The following IL1RAPL2 variants were observed in gnomAD, a reference collection of about 807,000 sequenced individuals.
IL1RAPL2 encodes interleukin 1 receptor accessory protein like 2, also known as X-linked interleukin-1 receptor accessory protein-like 2.
IL1RAPL2 carries 3 observed loss-of-function variants against 44.1 expected under a neutral mutation model. The ratio of observed to expected loss-of-function variants is 0.07; its 90% CI spans 0.03 to 0.18. The LOEUF (loss-of-function observed/expected upper bound fraction) is 0.18. Among genes scored for constraint, IL1RAPL2 ranks in the 10% least tolerant of loss-of-function variants. The pLI is 1.00. For missense variants in IL1RAPL2, 391 were observed against 496.4 expected (o/e 0.79, Z 2.02); for synonymous variants, 181 against 178.8 (o/e 1.01, Z -0.10).
intron 2 of IL1RAPL2, among the ~76,000 whole-genome samples, chrX:104,824,278 A>G (rs1602745015): frequency 8.9e-6 from 1 of 111,833 alleles, no homozygotes; most frequent in Non-Finnish European, 1.9e-5. Context: ...CTGCTGCTGG[A>G]TTCAGTTTGC....
chrX:104,757,689 T>C (rs751193807), intron 2 of IL1RAPL2, among the ~76,000 whole-genome samples: 1 of 111,961 alleles, frequency 8.9e-6, no homozygotes, highest in Admixed American at 9.4e-5. Context: ...GTACTAGGAA[T>C]ATTGGTGATT....
Position 105,047,818 on chromosome X carries a change from A to G in IL1RAPL2, c.83-147657A>G, listed in dbSNP as rs1235632929. On this transcript the variant is annotated intron_variant, in intron 2 of 10. Transcript: ENST00000372582. ...TGAAGAACAACTATTATTTGCTATT[A>G]CCAAGAAAAACTGGATGACATTAAA... 2.7e-5 allele frequency among the ~76,000 whole-genome samples: 3 copies of G among 112,054 alleles called. No homozygotes were observed. The East Asian group carries it at 8.4e-4, about 31-fold the overall frequency.
At chrX:105,363,110 G>A (rs1392199655) in intron 5 of IL1RAPL2, among the ~76,000 whole-genome samples, 4 of 106,413 alleles carry the variant, frequency 3.8e-5, no homozygotes, top group African/African-American at 1.0e-4. Context: ...GTGAGGGCAT[G>A]CAGTATTTGT....
intron 2 of IL1RAPL2, among the ~76,000 whole-genome samples, chrX:104,957,202 T>G (rs902646626): frequency 5.3e-5 from 6 of 112,443 alleles, no homozygotes; most frequent in Non-Finnish European, 9.4e-5. Context: ...AAATGGTGTA[T>G]GCTAAAGAGT....
At chrX:104,925,727 C>G (rs1357860615) in intron 2 of IL1RAPL2, among the ~76,000 whole-genome samples, 2 of 111,330 alleles carry the variant, frequency 1.8e-5, no homozygotes, top group Admixed American at 1.9e-4. Flanking sequence ...TATGACAAAC[C>G]CATAGCCAAC....
intron 6 of IL1RAPL2, among the ~76,000 whole-genome samples, chrX:105,542,691 T>TA (rs1261451654): frequency 2.2e-4 from 21 of 96,151 alleles, no homozygotes; most frequent in African/African-American, 7.7e-4. Context: ...TTTTTATATT[T>TA]TTTATTTATT....
chrX:105,049,613 A>G (rs949308548), intron 2 of IL1RAPL2, among the ~76,000 whole-genome samples: 5 of 111,764 alleles, frequency 4.5e-5, no homozygotes, highest in African/African-American at 1.6e-4. Flanking sequence ...GCCCTTAACA[A>G]ATCTCATAAT....
intron 2 of IL1RAPL2, among the ~76,000 whole-genome samples, chrX:104,761,661 G>A (rs1226421289): frequency 9.0e-6 from 1 of 111,592 alleles, no homozygotes; most frequent in African/African-American, 3.3e-5. Context: ...TAAAATCAAA[G>A]GCAAAGTTAA....
chrX:105,339,118 T>C (rs1602364951), intron 5 of IL1RAPL2, among the ~76,000 whole-genome samples: 1 of 110,611 alleles, frequency 9.0e-6, no homozygotes, highest in Non-Finnish European at 1.9e-5. Flanking sequence ...AACAAACAAA[T>C]AAATAAATAA....
intron 6 of IL1RAPL2, among the ~76,000 whole-genome samples, chrX:105,674,486 C>A (rs2037851502): frequency 9.0e-6 from 1 of 111,326 alleles, no homozygotes; most frequent in Non-Finnish European, 1.9e-5. Flanking sequence ...TGTACATGCG[C>A]AATCTTATTT....
chrX:105,065,590 AATAG>A (rs1453492672), intron 2 of IL1RAPL2, among the ~76,000 whole-genome samples: 24 of 111,754 alleles, frequency 2.1e-4, no homozygotes, highest in African/African-American at 5.9e-4. Flanking sequence ...AGTCTTGGAA[AATAG>A]ATAGAACTGA....
intron 5 of IL1RAPL2, among the ~76,000 whole-genome samples, chrX:105,268,402 A>G (rs113796863): frequency 9.0e-5 from 10 of 111,044 alleles, no homozygotes; most frequent in African/African-American, 3.3e-4. Context: ...CAAAAGGTGC[A>G]TACAAAGTTG....
intron 2 of IL1RAPL2, among the ~76,000 whole-genome samples, chrX:105,030,506 A>C (rs1160771712): frequency 4.5e-5 from 5 of 111,485 alleles, no homozygotes; most frequent in East Asian, 2.8e-4. Context: ...ATAGGGAATT[A>C]TTTCCCCATT....
intron 9 of IL1RAPL2, among the ~76,000 whole-genome samples, chrX:105,753,963 T>C (rs971386083): frequency 2.7e-5 from 3 of 111,991 alleles, no homozygotes; most frequent in African/African-American, 9.7e-5. Flanking sequence ...GCACATCATA[T>C]GTCTATCATT....
chrX:105,447,616 AACATAAATATATATTT>A (rs2035977403), intron 5 of IL1RAPL2, among the ~76,000 whole-genome samples: 1 of 79,972 alleles, frequency 1.3e-5, no homozygotes, highest in East Asian at 4.4e-4. Context: ...TAAATATATA[AACATAAATATATATTT>A]ATATAAATAT....
intron 2 of IL1RAPL2, among the ~76,000 whole-genome samples, chrX:104,662,739 T>G (rs1367998026): frequency 8.9e-6 from 1 of 111,938 alleles, no homozygotes; most frequent in Non-Finnish European, 1.9e-5. Flanking sequence ...CATTAAATCA[T>G]CCCCTTAACT....
chrX:104,767,560 C>A (rs760225328), intron 2 of IL1RAPL2, among the ~76,000 whole-genome samples: 4 of 111,629 alleles, frequency 3.6e-5, no homozygotes, highest in South Asian at 3.7e-4. Context: ...TACTTAACAC[C>A]TTTTGGGTTT....
At chrX:104,580,017 C>T (rs1174414630) in intron 1 of IL1RAPL2, among the ~76,000 whole-genome samples, 1 of 111,643 alleles carries the variant, frequency 9.0e-6, no homozygotes, top group Non-Finnish European at 1.9e-5. Context: ...GCCCAAATTA[C>T]CTGATTCTAC....
intron 3 of IL1RAPL2, among the ~76,000 whole-genome samples, chrX:105,228,158 A>T (rs1556191521): frequency 8.9e-6 from 1 of 112,237 alleles, no homozygotes; most frequent in Non-Finnish European, 1.9e-5. Flanking sequence ...TTCACCTTAT[A>T]AAATTTCAGA....
Sources: allele counts gnomAD v4.1 joint callset (sites outside exome capture counted in the v4.1 genomes callset), GRCh38; gene constraint gnomAD v4.1.1; transcripts MANE v1.5; gene names NCBI Gene and HGNC (gene_info 2026-07-23, HGNC 2026-07-21).